The following CFAP95 variants were observed in gnomAD, a reference collection of about 807,000 sequenced individuals.
CFAP95 encodes the protein cilia- and flagella-associated protein 95.
chr9:69,861,212 T>A, the CFAP95 span, among the ~76,000 whole-genome samples: 1 of 152,198 alleles, frequency 6.6e-6, no homozygotes, highest in Non-Finnish European at 1.5e-5. Flanking sequence ...TCAATAGAAA[T>A]TTTTCAGTTC....
the CFAP95 span, among the ~76,000 whole-genome samples, chr9:69,856,178 A>G: frequency 6.6e-6 from 1 of 152,220 alleles, no homozygotes; most frequent in Non-Finnish European, 1.5e-5. Flanking sequence ...GATGATGATG[A>G]TGATATCTGA....
At chr9:69,845,373 G>A in the CFAP95 span, among the ~76,000 whole-genome samples, 1 of 152,142 alleles carries the variant, frequency 6.6e-6, no homozygotes, top group African/African-American at 2.4e-5. Context: ...GATGGCCTCG[G>A]GGCATGAAGA....
At chr9:69,828,435 C>G in the CFAP95 span, among the ~76,000 whole-genome samples, 6 of 152,356 alleles carry the variant, frequency 3.9e-5, no homozygotes, top group Middle Eastern at 3.4e-3. Context: ...AATCCCAACA[C>G]TTTGGGAAGC....
chr9:69,871,190 C>A, the CFAP95 span, among the ~76,000 whole-genome samples: 1 of 151,900 alleles, frequency 6.6e-6, no homozygotes, highest in Non-Finnish European at 1.5e-5. Context: ...TGCATTCCAG[C>A]CTGGGGGACA....
At chr9:69,833,899 C>T in the CFAP95 span, among the ~76,000 whole-genome samples, 1 of 152,104 alleles carries the variant, frequency 6.6e-6, no homozygotes, top group Non-Finnish European at 1.5e-5. Context: ...GTTAATGCAA[C>T]AAATTGTCCT....
chr9:69,861,670 C>A, the CFAP95 span, among the ~76,000 whole-genome samples: 161 of 139,792 alleles, frequency 1.2e-3, 1 homozygote, highest in African/African-American at 4.2e-3. Context: ...TCAGTCTTCT[C>A]TTCAGTTCCC....
the CFAP95 span, among the ~76,000 whole-genome samples, chr9:69,882,779 T>C: frequency 6.6e-6 from 1 of 152,302 alleles, no homozygotes; most frequent in Non-Finnish European, 1.5e-5. Flanking sequence ...GAACCATCCT[T>C]GTGTCTCTGG....
the CFAP95 span, among the ~76,000 whole-genome samples, chr9:69,826,023 C>G: frequency 6.6e-6 from 1 of 151,906 alleles, no homozygotes; most frequent in Non-Finnish European, 1.5e-5. Flanking sequence ...AGGAAGAAAC[C>G]AGAAAGATAA....
chr9:69,822,063 C>T, the CFAP95 span, among the ~76,000 whole-genome samples: 1 of 152,142 alleles, frequency 6.6e-6, no homozygotes, highest in African/African-American at 2.4e-5. Context: ...TGATGTATAA[C>T]TGGAAGAAAA....
At chr9:69,872,409 T>C in the CFAP95 span, among the ~76,000 whole-genome samples, 8 of 152,220 alleles carry the variant, frequency 5.3e-5, no homozygotes, top group African/African-American at 1.7e-4. Context: ...CCATTTATTC[T>C]ATAAATATTT....
At chr9:69,852,166 T>TA in the CFAP95 span, among the ~76,000 whole-genome samples, 1,906 of 116,164 alleles carry the variant, frequency 0.016, 17 homozygotes, top group Middle Eastern at 0.029. Flanking sequence ...TTTGTATATA[T>TA]TTTTTTTTTT....
chr9:69,856,566 A>T, the CFAP95 span: 1 of 1,604,014 alleles, frequency 6.2e-7, no homozygotes, highest in South Asian at 1.1e-5. Context: ...TTTGGACATC[A>T]GAAACACATG....
At chr9:69,870,219 A>G in the CFAP95 span, among the ~76,000 whole-genome samples, 1 of 152,160 alleles carries the variant, frequency 6.6e-6, no homozygotes, top group Non-Finnish European at 1.5e-5. Context: ...ACTGCATACT[A>G]TTTACTAAGA....
chr9:69,862,186 A>C, the CFAP95 span, among the ~76,000 whole-genome samples: 1 of 152,220 alleles, frequency 6.6e-6, no homozygotes, highest in Admixed American at 6.5e-5. Flanking sequence ...TTATAATAGA[A>C]GAGGATTTGG....
chr9:69,849,047 T>C, the CFAP95 span, among the ~76,000 whole-genome samples: 1 of 152,234 alleles, frequency 6.6e-6, no homozygotes, highest in Non-Finnish European at 1.5e-5. Flanking sequence ...CCCTTTTGTA[T>C]GTAAAAGAGC....
At chr9:69,835,890 T>C in the CFAP95 span, among the ~76,000 whole-genome samples, 1 of 152,192 alleles carries the variant, frequency 6.6e-6, no homozygotes, top group African/African-American at 2.4e-5. Context: ...ACCTGTTTCC[T>C]TTCCTGTAAG....
the CFAP95 span, among the ~76,000 whole-genome samples, chr9:69,862,952 C>T: frequency 6.6e-6 from 1 of 152,164 alleles, no homozygotes; most frequent in Non-Finnish European, 1.5e-5. Flanking sequence ...CACTCCTGAC[C>T]TTAACTAAAG....
the CFAP95 span, among the ~76,000 whole-genome samples, chr9:69,843,596 T>TCTTCTC: frequency 1.2e-4 from 8 of 67,408 alleles, no homozygotes; most frequent in Non-Finnish European, 2.6e-5. Context: ...TTCTTCTTCT[T>TCTTCTC]CTTCTTCTTC....
the CFAP95 span, among the ~76,000 whole-genome samples, chr9:69,859,293 C>G: frequency 2.0e-5 from 3 of 152,008 alleles, no homozygotes; most frequent in African/African-American, 7.2e-5. Flanking sequence ...TTCTTCAACT[C>G]TACCATTGAA....
Sources: gnomAD v4.1 joint callset for allele counts (sites outside exome capture counted in the v4.1 genomes callset) on GRCh38, gnomAD v4.1.1 for gene constraint, MANE v1.5 for transcripts, NCBI Gene and HGNC (gene_info 2026-07-23, HGNC 2026-07-21) for gene names.